The following IMMP2L variants were observed in gnomAD, a reference collection of about 807,000 sequenced individuals.
The protein encoded by IMMP2L is mitochondrial inner membrane protease subunit 2.
IMMP2L carries 18 observed loss-of-function variants against 19.3 expected under a neutral mutation model. The ratio of observed to expected loss-of-function variants is 0.93; its 90% CI spans 0.64 to 1.38. The LOEUF (loss-of-function observed/expected upper bound fraction) is 1.38. IMMP2L is among the 40% of genes most tolerant of loss of function. IMMP2L has a pLI of 0.00. For missense variants in IMMP2L, 233 were observed against 218.2 expected, an observed-to-expected ratio of 1.07 and a Z score of -0.43; for synonymous variants, 76 against 73.0, an observed-to-expected ratio of 1.04 and a Z score of -0.21.
chr7:110,876,433 T>A (rs1019163902), intron 5 of IMMP2L, among the ~76,000 whole-genome samples: 8 of 152,090 alleles, frequency 5.3e-5, no homozygotes, highest in African/African-American at 1.9e-4. Context: ...GGATTGCCAC[T>A]CCCAATGTCA....
At chr7:110,774,192 T>C (rs1007048504) in intron 5 of IMMP2L, among the ~76,000 whole-genome samples, 1 of 152,082 alleles carries the variant, frequency 6.6e-6, no homozygotes, top group Non-Finnish European at 1.5e-5. Context: ...GAGAAGATTG[T>C]GGAATCAGTA....
At chr7:111,222,373 T>C (rs1442945007) in intron 3 of IMMP2L, among the ~76,000 whole-genome samples, 2 of 151,380 alleles carry the variant, frequency 1.3e-5, no homozygotes, top group African/African-American at 2.4e-5. Flanking sequence ...AAAAAACACA[T>C]GAGCAAAATT....
chr7:110,922,846 G>C (rs1814442009), intron 4 of IMMP2L, among the ~76,000 whole-genome samples: 1 of 152,182 alleles, frequency 6.6e-6, no homozygotes, highest in South Asian at 2.1e-4. Context: ...TTTCTCATCA[G>C]ATTGATTGTC....
At chr7:111,524,488 C>T (rs1196706517) in intron 1 of IMMP2L, among the ~76,000 whole-genome samples, 1 of 151,522 alleles carries the variant, frequency 6.6e-6, no homozygotes, top group Non-Finnish European at 1.5e-5. Flanking sequence ...GATAATAATT[C>T]CAGGGTAGTG....
intron 3 of IMMP2L, among the ~76,000 whole-genome samples, chr7:111,208,171 T>G (rs1282636521): frequency 1.3e-5 from 2 of 152,190 alleles, no homozygotes; most frequent in African/African-American, 4.8e-5. Flanking sequence ...TAAAGGCTCA[T>G]AGCAAAATGT....
intron 3 of IMMP2L, among the ~76,000 whole-genome samples, chr7:110,970,530 C>T (rs897657520): frequency 2.6e-5 from 4 of 152,048 alleles, no homozygotes; most frequent in Non-Finnish European, 4.4e-5. Flanking sequence ...ATCATATTCC[C>T]TAATTTATTT....
intron 3 of IMMP2L, among the ~76,000 whole-genome samples, chr7:111,068,241 T>C (rs530237463): frequency 1.3e-5 from 2 of 151,886 alleles, no homozygotes; most frequent in African/African-American, 4.8e-5. Flanking sequence ...TAAATTTATT[T>C]TGTGTATCAC....
At chr7:111,551,920 T>C (rs1790703123) in intron 1 of IMMP2L, among the ~76,000 whole-genome samples, 2 of 152,058 alleles carry the variant, frequency 1.3e-5, no homozygotes, top group Admixed American at 6.5e-5. Context: ...CCAGGCAAGG[T>C]AGAGCAAGTA....
rs1156312296 is a variant in IMMP2L at position 110,663,494 on chromosome 7, CGCACA to C, written c.*103_*107del. 5 of 881,042 alleles carry C rather than the reference CGCACA, an allele frequency of 5.7e-6. No homozygotes were observed. In the African/African-American group the frequency reaches 8.5e-5, roughly 15 times the overall value. The allele number at this position is 881,042 out of a possible 1,614,324, so 54.6% of individuals were successfully genotyped here. A position where few individuals can be genotyped will look rare whatever the true frequency, so the allele number is the denominator to read the frequency against. ...GTTTTAATGTGCTGTAAATATTTCT[CGCACA>C]GCATCATATTGTCAGAAGTTTTTCC... On this transcript the variant is annotated 3_prime_UTR_variant, in exon 6 of 6. Coordinates refer to ENST00000405709, the MANE Select transcript of IMMP2L (RefSeq NM_032549.4).
At chr7:111,108,697 A>T (rs1798826449) in intron 3 of IMMP2L, among the ~76,000 whole-genome samples, 1 of 152,190 alleles carries the variant, frequency 6.6e-6, no homozygotes, top group Admixed American at 6.5e-5. Context: ...AATTTAAAAA[A>T]AACATATTTA....
In IMMP2L at chr7:111,199,325, C is replaced by T. The variant is rs1350057079; in HGVS notation, c.240-235760G>A. ...AACTAAGAGTAACTGGACAACCTGT[C>T]AGTTCCCTGTAATTTCCTTTTGCAC... On this transcript the variant is annotated intron_variant, in intron 3 of 5. Transcript: ENST00000405709. 4.6e-5 allele frequency among the ~76,000 whole-genome samples: 7 copies of T among 152,094 alleles called. No individual in the cohort carries two copies. The East Asian group carries it at 1.3e-3, about 29-fold the overall frequency.
chr7:110,942,519 T>C (rs1440708284), intron 4 of IMMP2L, among the ~76,000 whole-genome samples: 1 of 151,894 alleles, frequency 6.6e-6, no homozygotes, highest in Non-Finnish European at 1.5e-5. Context: ...TTTTCTCCCT[T>C]GAAATACTTA....
chr7:111,380,071 A>T (rs1006230315), intron 3 of IMMP2L, among the ~76,000 whole-genome samples: 8 of 152,108 alleles, frequency 5.3e-5, no homozygotes, highest in African/African-American at 1.9e-4. Context: ...TTAACTTAAA[A>T]TGATTAAATC....
chr7:110,857,547 C>T (rs115122166), intron 5 of IMMP2L, among the ~76,000 whole-genome samples: 2 of 151,976 alleles, frequency 1.3e-5, no homozygotes, highest in South Asian at 2.1e-4. Flanking sequence ...ATATTAGGTA[C>T]CTGTTAAAAA....
intron 3 of IMMP2L, among the ~76,000 whole-genome samples, chr7:111,347,260 A>C (rs1236251319): frequency 6.6e-6 from 1 of 152,064 alleles, no homozygotes; most frequent in Non-Finnish European, 1.5e-5. Context: ...TAGCCTTTTA[A>C]AGAAGCTTGG....
At chr7:111,526,477 A>G (rs1426961228) in intron 1 of IMMP2L, among the ~76,000 whole-genome samples, 1 of 152,156 alleles carries the variant, frequency 6.6e-6, no homozygotes, top group Non-Finnish European at 1.5e-5. Flanking sequence ...GCTGGTTTCT[A>G]AAACAGAAAG....
At chr7:111,293,305 T>C (rs910250777) in intron 3 of IMMP2L, among the ~76,000 whole-genome samples, 1 of 151,986 alleles carries the variant, frequency 6.6e-6, no homozygotes, top group African/African-American at 2.4e-5. Context: ...GTGAGAGCAA[T>C]TTTTGATTCT....
At chr7:111,254,378 A>G (rs536769022) in intron 3 of IMMP2L, among the ~76,000 whole-genome samples, 2 of 152,216 alleles carry the variant, frequency 1.3e-5, no homozygotes, top group South Asian at 4.1e-4. Flanking sequence ...TACAAATATG[A>G]GCAATAACAA....
chr7:111,464,696 G>A (rs1455879397), intron 3 of IMMP2L, among the ~76,000 whole-genome samples: 1 of 152,068 alleles, frequency 6.6e-6, no homozygotes, highest in Non-Finnish European at 1.5e-5. Context: ...TACACATTAA[G>A]TCACTCTAGC....
Sources: gnomAD v4.1 joint callset for allele counts (sites outside exome capture counted in the v4.1 genomes callset) on GRCh38, gnomAD v4.1.1 for gene constraint, MANE v1.5 for transcripts, NCBI Gene and HGNC (gene_info 2026-07-23, HGNC 2026-07-21) for gene names.